Variants in ASCC3 observed in about 807,000 individuals in gnomAD.
ASCC3 encodes activating signal cointegrator 1 complex subunit 3.
In ASCC3, 158 loss-of-function variants were observed where a neutral mutation model predicts 256.3. The observed-to-expected ratio is 0.62, with a 90% CI of 0.54 to 0.70. The LOEUF is 0.70. Ranked by LOEUF, ASCC3 falls within the 30% of genes least tolerant of loss-of-function variation. The pLI, the probability that ASCC3 is intolerant of heterozygous loss-of-function variation, is 0.00. For synonymous variants in ASCC3, 948 were observed against 883.4 expected, an observed-to-expected ratio of 1.07 and a Z score of -1.30; for missense variants, 2,259 against 2,626.0, an observed-to-expected ratio of 0.86 and a Z score of 3.05.
chr6:100,612,183 G>A (rs1582560757), intron 30 of ASCC3, among the ~76,000 whole-genome samples: 2 of 152,022 alleles, frequency 1.3e-5, no homozygotes, highest in Middle Eastern at 3.4e-3. Flanking sequence ...AAAAGCTTTT[G>A]TAGAAATATA....
chr6:100,546,215 AC>A (rs1775711524), intron 36 of ASCC3, among the ~76,000 whole-genome samples: 2 of 152,200 alleles, frequency 1.3e-5, no homozygotes, highest in Admixed American at 6.5e-5. Context: ...GATATTGAAA[AC>A]AAAACAAAGA....
At chr6:100,744,971 G>T (rs576546060) in intron 10 of ASCC3, among the ~76,000 whole-genome samples, 1 of 152,254 alleles carries the variant, frequency 6.6e-6, no homozygotes, top group Non-Finnish European at 1.5e-5. Context: ...GGAGTGGAGT[G>T]ACTTAGTAAC....
At chr6:100,864,015 A>G in intron 3 of ASCC3, 49 bp downstream of exon 3, 1 of 1,397,632 alleles carries the variant, frequency 7.2e-7, no homozygotes, top group South Asian at 1.3e-5. Context: ...CTGTTTTTGA[A>G]CCTTACTGGT....
intron 10 of ASCC3, among the ~76,000 whole-genome samples, chr6:100,749,827 A>G (rs560261019): frequency 1.3e-5 from 2 of 151,866 alleles, no homozygotes; most frequent in African/African-American, 4.8e-5. Context: ...AAGATTACAT[A>G]TATTTCTAGT....
At chr6:100,801,056 G>T (rs551043756) in intron 5 of ASCC3, among the ~76,000 whole-genome samples, 101 of 152,002 alleles carry the variant, frequency 6.6e-4, no homozygotes, top group African/African-American at 2.4e-3. Context: ...CAAAAGTATG[G>T]TCCACCTTTT....
intron 14 of ASCC3, among the ~76,000 whole-genome samples, chr6:100,677,976 A>G (rs1272345207): frequency 6.6e-6 from 1 of 152,098 alleles, no homozygotes; most frequent in Non-Finnish European, 1.5e-5. Flanking sequence ...ATCTCCATAT[A>G]AATTATTATA....
chr6:100,837,237 A>C (rs548488183), intron 4 of ASCC3, among the ~76,000 whole-genome samples: 33 of 152,116 alleles, frequency 2.2e-4, no homozygotes, highest in Non-Finnish European at 4.6e-4. Context: ...AACAAAAAAC[A>C]ACTGTTGGTG....
intron 8 of ASCC3, among the ~76,000 whole-genome samples, chr6:100,797,996 T>C (rs1769716714): frequency 1.3e-5 from 2 of 152,188 alleles, no homozygotes; most frequent in African/African-American, 4.8e-5. Context: ...CACATACATA[T>C]AGAATGAAGT....
At chr6:100,524,108 G>A (rs977084877) in intron 37 of ASCC3, among the ~76,000 whole-genome samples, 2 of 152,094 alleles carry the variant, frequency 1.3e-5, no homozygotes, top group African/African-American at 4.8e-5. Flanking sequence ...AACAAATGAT[G>A]AAGTTAAGGC....
Position 100,645,781 on chromosome 6 carries a change from A to G in ASCC3, c.3633+834T>C, listed in dbSNP as rs530158264. Among the ~76,000 whole-genome samples, 14 of 152,334 alleles carry G rather than the reference A, an allele frequency of 9.2e-5. No individual in the cohort carries two copies. In the East Asian group the frequency reaches 2.7e-3, roughly 29 times the overall value. ...AGCTATCAAAGGAGAAGAAGGAATTAAAACAGAAACAAAAACATGATGGGA... is the reference window on the plus strand; with the variant it reads ...AGCTATCAAAGGAGAAGAAGGAATTGAAACAGAAACAAAAACATGATGGGA... On this transcript the variant is annotated intron_variant, in intron 22 of 41. Transcript: ENST00000369162.
chr6:100,732,890 T>C (rs1419741819), intron 10 of ASCC3, among the ~76,000 whole-genome samples: 1 of 152,186 alleles, frequency 6.6e-6, no homozygotes, highest in Non-Finnish European at 1.5e-5. Context: ...AAATTATACA[T>C]TTTCTGTTAT....
chr6:100,800,131 T>C (rs962612011), intron 6 of ASCC3, among the ~76,000 whole-genome samples, 169 bp downstream of exon 6: 3 of 152,064 alleles, frequency 2.0e-5, no homozygotes, highest in African/African-American at 4.8e-5. Context: ...AGACAGACCA[T>C]TGCTTTCTTA....
At chr6:100,872,457 A>G (rs1469765839) in intron 1 of ASCC3, among the ~76,000 whole-genome samples, 1 of 78,402 alleles carries the variant, frequency 1.3e-5, no homozygotes, top group Non-Finnish European at 2.8e-5. Flanking sequence ...CTGAGTAGAA[A>G]AAAAAAAGGG....
intron 13 of ASCC3, among the ~76,000 whole-genome samples, chr6:100,685,073 C>T (rs1388480555): frequency 6.6e-6 from 1 of 152,114 alleles, no homozygotes; most frequent in East Asian, 1.9e-4. Context: ...TCCCAAAGTG[C>T]TGGGATTACA....
intron 34 of ASCC3, among the ~76,000 whole-genome samples, chr6:100,598,289 T>C (rs576417338): frequency 2.4e-3 from 362 of 152,278 alleles, no homozygotes; most frequent in African/African-American, 8.3e-3. Context: ...AGTCAATGCA[T>C]GAAGACAATT....
intron 32 of ASCC3, among the ~76,000 whole-genome samples, 178 bp from the exon 33 acceptor site, chr6:100,605,878 A>T (rs1772859473): frequency 6.6e-6 from 1 of 152,106 alleles, no homozygotes; most frequent in Non-Finnish European, 1.5e-5. Flanking sequence ...AATATAATTA[A>T]CTCAGAAAAT....
chr6:100,718,796 A>C (rs747768372), intron 11 of ASCC3, among the ~76,000 whole-genome samples: 3 of 152,144 alleles, frequency 2.0e-5, no homozygotes, highest in Non-Finnish European at 4.4e-5. Context: ...CTTTGTGACA[A>C]CTAAATGTAT....
At chr6:100,802,780 G>A (rs1001307173) in intron 5 of ASCC3, among the ~76,000 whole-genome samples, 3 of 151,936 alleles carry the variant, frequency 2.0e-5, no homozygotes, top group African/African-American at 7.2e-5. Context: ...TGGGAGGACT[G>A]CTTGAGGCTA....
At chr6:100,630,983 T>C (rs1221537068) in intron 26 of ASCC3, 145 bp downstream of exon 26, 16 of 607,376 alleles carry the variant, frequency 2.6e-5, no homozygotes, top group Non-Finnish European at 4.6e-5. Flanking sequence ...TAAATGACTA[T>C]GAAAATCAAT....
Sources: allele counts gnomAD v4.1 joint callset (sites outside exome capture counted in the v4.1 genomes callset), GRCh38; gene constraint gnomAD v4.1.1; transcripts MANE v1.5; gene names NCBI Gene and HGNC (gene_info 2026-07-23, HGNC 2026-07-21).